CDH13: variants seen among roughly 807,000 people sequenced by gnomAD.
CDH13 encodes cadherin-13.
In CDH13, 24 loss-of-function variants were observed where a neutral mutation model predicts 63.8. The observed-to-expected ratio is 0.38, with a 90% CI of 0.27 to 0.53. CDH13 has a LOEUF of 0.53. Among genes scored for constraint, CDH13 ranks in the 20% least tolerant of loss-of-function variants. The probability of loss-of-function intolerance (pLI) is 0.85; values close to 1 mark genes in which losing one functional copy is unlikely to be tolerated. For synonymous variants in CDH13, 503 were observed against 355.3 expected, an observed-to-expected ratio of 1.42 and a Z score of -4.67; for missense variants, 1,049 against 903.1, an observed-to-expected ratio of 1.16 and a Z score of -2.07.
At chr16:83,526,051 C>G (rs2074951672) in intron 7 of CDH13, among the ~76,000 whole-genome samples, 3 of 152,192 alleles carry the variant, frequency 2.0e-5, no homozygotes, top group Admixed American at 6.5e-5. Context: ...ATAAAATTTA[C>G]AGATGTGTTA....
At chr16:83,116,152 C>G (rs920013770) in intron 3 of CDH13, among the ~76,000 whole-genome samples, 3 of 152,210 alleles carry the variant, frequency 2.0e-5, no homozygotes, top group African/African-American at 7.2e-5. Context: ...GTCTGGCAGA[C>G]ATAACAAAAG....
intron 4 of CDH13, among the ~76,000 whole-genome samples, chr16:83,137,727 A>T (rs563853856): frequency 6.6e-6 from 1 of 152,292 alleles, no homozygotes; most frequent in East Asian, 1.9e-4. Context: ...GCCGTGAAGG[A>T]GTGGGGCCCA....
chr16:83,223,742 T>A (rs1189712271), intron 5 of CDH13, among the ~76,000 whole-genome samples: 1 of 152,184 alleles, frequency 6.6e-6, no homozygotes, highest in African/African-American at 2.4e-5. Context: ...GTCAACATAG[T>A]TTTTAGTTTT....
chr16:83,090,110 C>T (rs919968134), intron 3 of CDH13, among the ~76,000 whole-genome samples: 1 of 152,088 alleles, frequency 6.6e-6, no homozygotes, highest in Admixed American at 6.5e-5. Flanking sequence ...GGTCGTCAAC[C>T]CCACCCACAA....
intron 7 of CDH13, among the ~76,000 whole-genome samples, chr16:83,548,586 C>A (rs530064926): frequency 6.6e-6 from 1 of 152,106 alleles, no homozygotes; most frequent in Non-Finnish European, 1.5e-5. Context: ...GATATTGGGA[C>A]CCCGGATAGC....
intron 10 of CDH13, among the ~76,000 whole-genome samples, chr16:83,730,284 A>C (rs560413540): frequency 7.9e-4 from 121 of 152,378 alleles, no homozygotes; most frequent in African/African-American, 2.8e-3. Flanking sequence ...TGAGTATTAA[A>C]GGCTCTGAGA....
chr16:82,683,361 T>G (rs2150963955), intron 1 of CDH13, among the ~76,000 whole-genome samples: 1 of 152,300 alleles, frequency 6.6e-6, no homozygotes, highest in Admixed American at 6.5e-5. Context: ...TGTTCTTGCC[T>G]TGTATATCTG....
intron 1 of CDH13, among the ~76,000 whole-genome samples, chr16:82,851,097 T>A (rs942357021): frequency 1.6e-4 from 24 of 152,132 alleles, no homozygotes; most frequent in Admixed American, 2.6e-4. Flanking sequence ...TTGGGTAGCA[T>A]CTTTTAGAAA....
intron 3 of CDH13, among the ~76,000 whole-genome samples, chr16:83,061,403 T>C (rs1048756172): frequency 6.6e-6 from 1 of 152,340 alleles, no homozygotes; most frequent in East Asian, 1.9e-4. Context: ...GCTAATCCTC[T>C]TTCCAAAATA....
At chr16:83,717,321 C>T (rs1375882493) in intron 10 of CDH13, among the ~76,000 whole-genome samples, 1 of 152,084 alleles carries the variant, frequency 6.6e-6, no homozygotes, top group Non-Finnish European at 1.5e-5. Context: ...TTACTATAAT[C>T]CCCTAATCTC....
Position 83,032,103 on chromosome 16 carries a change from T to C in CDH13, c.251T>C (p.Leu84Pro). The part of the protein sequence containing the change: ...KVNSDGGLVA[L>P]RNITAVGKTL... ...AACAGCGATGGCGGCTTAGTTGCTC[T>C]GAGAAACATAACTGCAGTGGGCAAA... The change falls in exon 3 of 14, where the codon CTG becomes CCG. Residue 84 changes from leucine (L) to proline (P), a missense_variant. Transcript: ENST00000567109. 6.2e-7 allele frequency: 1 copy of C among 1,613,342 alleles called. No individual in the cohort carries two copies. The highest frequency in any genetic ancestry group is 8.5e-7 in the Non-Finnish European group (1 of 1,179,678).
intron 7 of CDH13, among the ~76,000 whole-genome samples, chr16:83,570,953 A>ATATATATATG (rs1904559696): frequency 7.3e-6 from 1 of 136,192 alleles, no homozygotes; most frequent in Admixed American, 7.7e-5. Flanking sequence ...ATCCATATAT[A>ATATATATATG]TATATATATA....
At chr16:83,470,128 C>G (rs369990145) in intron 6 of CDH13, among the ~76,000 whole-genome samples, 58 of 152,342 alleles carry the variant, frequency 3.8e-4, no homozygotes, top group African/African-American at 1.3e-3. Flanking sequence ...CACACATACA[C>G]CTGTGTGCAC....
rs141155985 is a variant in CDH13 at position 82,736,727 on chromosome 16, C to G, written c.45+109590C>G. ...AGAAAAATCAGGCTACACAGTCACT[C>G]TCTCCACCTTCTTAGGATACACTCA... On this transcript the variant is annotated intron_variant, in intron 1 of 13. Transcript: ENST00000567109. 1.4e-3 allele frequency among the ~76,000 whole-genome samples: 213 copies of G among 152,326 alleles called. 1 individual carries two copies. The highest frequency in any genetic ancestry group is 2.4e-3 in the Non-Finnish European group (163 of 68,016).
At chr16:83,113,377 T>C (rs1049357629) in intron 3 of CDH13, among the ~76,000 whole-genome samples, 1 of 152,262 alleles carries the variant, frequency 6.6e-6, no homozygotes, top group Admixed American at 6.5e-5. Flanking sequence ...CTAACTCCGT[T>C]ACCTGGATTA....
chr16:83,173,453 T>C (rs2038004849), intron 4 of CDH13, among the ~76,000 whole-genome samples: 1 of 152,052 alleles, frequency 6.6e-6, no homozygotes, highest in African/African-American at 2.4e-5. Flanking sequence ...CGTGGGTCTC[T>C]TTTTATTAAG....
At chr16:82,631,499 G>T (rs1908004954) in intron 1 of CDH13, among the ~76,000 whole-genome samples, 1 of 152,200 alleles carries the variant, frequency 6.6e-6, no homozygotes, top group South Asian at 2.1e-4. Flanking sequence ...GTGACCAGTG[G>T]TTTTGGCATT....
intron 1 of CDH13, among the ~76,000 whole-genome samples, chr16:82,665,385 G>A (rs542941225): frequency 8.5e-5 from 13 of 152,156 alleles, no homozygotes; most frequent in Middle Eastern, 3.4e-3. Context: ...AAACCGAGGC[G>A]CACGTAAAAC....
intron 10 of CDH13, chr16:83,725,584 A>G (rs1453755809): frequency 6.6e-6 from 1 of 152,272 alleles, no homozygotes; most frequent in African/African-American, 2.4e-5. Flanking sequence ...TCGACCTAGA[A>G]TAACCTAAGA....
Sources: allele counts gnomAD v4.1 joint callset (sites outside exome capture counted in the v4.1 genomes callset), GRCh38; gene constraint gnomAD v4.1.1; transcripts MANE v1.5; gene names NCBI Gene and HGNC (gene_info 2026-07-23, HGNC 2026-07-21).